The following MOB3B variants were observed in gnomAD, a reference collection of about 807,000 sequenced individuals.
MOB3B encodes MOB kinase activator-like 2B.
MOB3B carries 7 observed loss-of-function variants against 18.7 expected under a neutral mutation model. The observed-to-expected ratio is 0.37, with a 90% CI of 0.21 to 0.70. The LOEUF is 0.70. MOB3B is among the 30% of genes least tolerant of loss of function. The pLI, the probability that MOB3B is intolerant of heterozygous loss-of-function variation, is 0.52. For missense variants in MOB3B, 253 were observed against 281.3 expected, an observed-to-expected ratio of 0.90 and a Z score of 0.72; for synonymous variants, 111 against 99.9, an observed-to-expected ratio of 1.11 and a Z score of -0.66.
At chr9:27,479,316 C>T (rs978380529) in intron 1 of MOB3B, among the ~76,000 whole-genome samples, 7 of 152,204 alleles carry the variant, frequency 4.6e-5, no homozygotes, top group Non-Finnish European at 1.5e-5. Context: ...AATGAACTTA[C>T]TCCCATGATA....
intron 1 of MOB3B, among the ~76,000 whole-genome samples, chr9:27,477,815 C>G (rs539539437): frequency 2.7e-3 from 412 of 152,308 alleles, no homozygotes; most frequent in Non-Finnish European, 4.9e-3. Flanking sequence ...GGTGTTGAAT[C>G]TGGATACAGC....
chr9:27,505,871 CCT>C (rs1237706778), intron 1 of MOB3B, among the ~76,000 whole-genome samples: 1 of 152,096 alleles, frequency 6.6e-6, no homozygotes, highest in Admixed American at 6.6e-5. Context: ...ATTTTTTCCC[CCT>C]CTCTCTTCCT....
intron 3 of MOB3B, among the ~76,000 whole-genome samples, chr9:27,354,004 G>C (rs186862019): frequency 6.6e-6 from 1 of 152,220 alleles, no homozygotes. Flanking sequence ...CATGAGCAAT[G>C]GATGATCTGT....
chr9:27,378,338 A>G, intron 2 of MOB3B: 1 of 471,426 alleles, frequency 2.1e-6, no homozygotes, highest in Non-Finnish European at 4.4e-6. Flanking sequence ...ATGGGTAAAA[A>G]GGGACACATA....
intron 1 of MOB3B, among the ~76,000 whole-genome samples, chr9:27,502,360 T>C (rs1044532262): frequency 3.3e-5 from 5 of 152,084 alleles, no homozygotes; most frequent in African/African-American, 1.2e-4. Context: ...TTTTAGGATT[T>C]AATTTATCTT....
At chr9:27,508,029 T>C (rs1294523037) in intron 1 of MOB3B, among the ~76,000 whole-genome samples, 1 of 152,238 alleles carries the variant, frequency 6.6e-6, no homozygotes, top group East Asian at 1.9e-4. Context: ...TTAGGAGGTA[T>C]AGAAGAGGGT....
intron 1 of MOB3B, among the ~76,000 whole-genome samples, chr9:27,463,565 G>A (rs904607782): frequency 1.1e-4 from 16 of 152,116 alleles, no homozygotes; most frequent in Non-Finnish European, 7.4e-5. Flanking sequence ...TGGAAACTTC[G>A]CGGTCTAGAT....
At chr9:27,527,047 C>G (rs1820447048) in intron 1 of MOB3B, among the ~76,000 whole-genome samples, 1 of 152,048 alleles carries the variant, frequency 6.6e-6, no homozygotes, top group Admixed American at 6.6e-5. Flanking sequence ...ATGATATCTC[C>G]CCCTTTTACA....
chr9:27,481,527 T>G (rs1366324787), intron 1 of MOB3B, among the ~76,000 whole-genome samples: 66 of 129,906 alleles, frequency 5.1e-4, no homozygotes, highest in Non-Finnish European at 6.8e-4. Context: ...TTTGTTTTTT[T>G]TTTTTTTTGA....
At chr9:27,381,846 A>G (rs996052650) in intron 2 of MOB3B, among the ~76,000 whole-genome samples, 1 of 152,122 alleles carries the variant, frequency 6.6e-6, no homozygotes, top group East Asian at 1.9e-4. Context: ...ACGTCTCGCT[A>G]TGTTGCCTAG....
At chr9:27,450,912 A>C (rs772088083) in intron 2 of MOB3B, among the ~76,000 whole-genome samples, 4 of 152,208 alleles carry the variant, frequency 2.6e-5, no homozygotes, top group Non-Finnish European at 5.9e-5. Context: ...TAGCAGGCTC[A>C]ATAGATGTGA....
rs1291939816 is a variant in MOB3B, at chr9:27,329,516, C to T, written c.*1071G>A. The T allele has an allele frequency of 1.3e-5, 2 of 152,296 alleles. No individual in the cohort carries two copies. Among genetic ancestry groups the T allele is most frequent in the South Asian group, 4.2e-4 (2 of 4,812 alleles). The allele number at this position is 152,296 out of a possible 1,614,324, so 9.4% of individuals were successfully genotyped here. On this transcript the variant is annotated 3_prime_UTR_variant, in exon 4 of 4. Transcript: ENST00000262244. ...CATAACGTGGCAGAGGAGTGGGGAG[C>T]GTGGAGTGGGGAGAGAATGACGGCT...
At chr9:27,386,225 G>A (rs1467164589) in intron 2 of MOB3B, among the ~76,000 whole-genome samples, 2 of 152,226 alleles carry the variant, frequency 1.3e-5, no homozygotes, top group Non-Finnish European at 2.9e-5. Flanking sequence ...TTTCTCATGT[G>A]TAAATCAGGG....
At chr9:27,367,180 C>G (rs1359156553) in intron 2 of MOB3B, among the ~76,000 whole-genome samples, 3 of 152,168 alleles carry the variant, frequency 2.0e-5, no homozygotes, top group African/African-American at 7.2e-5. Flanking sequence ...CGCCTGCATA[C>G]CCTGAAATCA....
intron 1 of MOB3B, among the ~76,000 whole-genome samples, chr9:27,466,087 G>A (rs537324507): frequency 9.2e-5 from 14 of 152,230 alleles, no homozygotes; most frequent in East Asian, 3.9e-4. Flanking sequence ...CTACTGCATC[G>A]TCAGGCTGCA....
At chr9:27,352,065 G>A (rs1821112454) in intron 3 of MOB3B, among the ~76,000 whole-genome samples, 1 of 152,134 alleles carries the variant, frequency 6.6e-6, no homozygotes, top group African/African-American at 2.4e-5. Flanking sequence ...CAGATGTTGA[G>A]AAACTGCCCA....
chr9:27,368,349 T>TAC (rs747975520), intron 2 of MOB3B, among the ~76,000 whole-genome samples: 2 of 115,780 alleles, frequency 1.7e-5, no homozygotes, highest in African/African-American at 3.6e-5. Flanking sequence ...TACACACACA[T>TAC]ACATACACAC....
chr9:27,442,876 A>G (rs932811993), intron 2 of MOB3B, among the ~76,000 whole-genome samples: 3 of 152,200 alleles, frequency 2.0e-5, no homozygotes, highest in Non-Finnish European at 4.4e-5. Flanking sequence ...GGCCTGTCTC[A>G]TCTGCTACCA....
intron 3 of MOB3B, among the ~76,000 whole-genome samples, chr9:27,346,333 G>C (rs529442706): frequency 1.3e-5 from 2 of 152,328 alleles, no homozygotes; most frequent in African/African-American, 4.8e-5. Flanking sequence ...GAATGGTCTA[G>C]GAAAGGCTGT....
Sources: gnomAD v4.1 joint callset for allele counts (sites outside exome capture counted in the v4.1 genomes callset) on GRCh38, gnomAD v4.1.1 for gene constraint, MANE v1.5 for transcripts, NCBI Gene and HGNC (gene_info 2026-07-23, HGNC 2026-07-21) for gene names.